Variants in PCTP observed in about 807,000 individuals in gnomAD.
The protein encoded by PCTP is START domain-containing protein 2.
A neutral mutation model predicts 31.0 loss-of-function variants in PCTP; 27 were observed. The ratio of observed to expected loss-of-function variants is 0.87; its 90% CI spans 0.64 to 1.20. The LOEUF (loss-of-function observed/expected upper bound fraction) is 1.20, where lower values mean the gene tolerates loss of function less well. Ranked by LOEUF, PCTP falls within the 50% of genes most tolerant of loss-of-function variation. The probability of loss-of-function intolerance (pLI) is 0.00; values close to 1 mark genes in which losing one functional copy is unlikely to be tolerated. For missense variants in PCTP, 287 were observed against 268.2 expected, an observed-to-expected ratio of 1.07 and a Z score of -0.49; for synonymous variants, 108 against 101.2, an observed-to-expected ratio of 1.07 and a Z score of -0.40.
intron 2 of PCTP, among the ~76,000 whole-genome samples, chr17:55,787,244 G>A (rs1382779875): frequency 2.0e-5 from 3 of 151,206 alleles, no homozygotes; most frequent in Non-Finnish European, 4.4e-5. Context: ...ACCACAAAAT[G>A]TGAAAACTCT....
chr17:55,751,623 G>T, intron 1 of PCTP: 4 of 659,908 alleles, frequency 6.1e-6, no homozygotes, highest in South Asian at 3.2e-5. Context: ...TGGGGTGGGG[G>T]AGGGGCGGTA....
At chr17:55,771,220 T>C (rs535708461) in intron 3 of PCTP, 35 bp downstream of exon 3, 2 of 1,515,272 alleles carry the variant, frequency 1.3e-6, no homozygotes, top group East Asian at 4.5e-5. Context: ...TCCCTGGCCC[T>C]CTAAGTGTTT....
At chr17:55,781,748 CAT>C (rs1491474160), downstream of PCTP, among the ~76,000 whole-genome samples, 38 of 141,622 alleles carry the variant, frequency 2.7e-4, no homozygotes, top group Admixed American at 5.4e-4. Flanking sequence ...GCAATTAAAA[CAT>C]GTACAGGTTT....
At chr17:55,770,603 A>AATAAG (rs1416552215) in intron 2 of PCTP, 1 of 152,266 alleles carries the variant, frequency 6.6e-6, no homozygotes, top group Non-Finnish European at 1.5e-5. Context: ...TTTTCTATCC[A>AATAAG]CTAGACTCTG....
At chr17:55,762,129 A>G (rs1910370698) in intron 1 of PCTP, among the ~76,000 whole-genome samples, 1 of 152,204 alleles carries the variant, frequency 6.6e-6, no homozygotes, top group Non-Finnish European at 1.5e-5. Context: ...ATGATCGGAT[A>G]GCAGATCAGA....
chr17:55,770,465 G>T (rs1363366632), intron 2 of PCTP: 1 of 152,198 alleles, frequency 6.6e-6, no homozygotes, highest in Non-Finnish European at 1.5e-5. Flanking sequence ...ACATCTGGTG[G>T]TTATCCTGAA....
chr17:55,775,942 T>A, intron 5 of PCTP, 93 bp from the exon 6 acceptor site: 1 of 1,549,044 alleles, frequency 6.5e-7, no homozygotes, highest in East Asian at 2.3e-5. Flanking sequence ...TTGTTCGTCC[T>A]AAAGCCAACA....
At chr17:55,809,764 G>C (rs992379899) in intron 3 of PCTP, among the ~76,000 whole-genome samples, 1 of 152,046 alleles carries the variant, frequency 6.6e-6, no homozygotes, top group Non-Finnish European at 1.5e-5. Context: ...CTCATGACTC[G>C]CCCGCCTCGG....
intron 5 of PCTP, among the ~76,000 whole-genome samples, chr17:55,841,673 A>G (rs543190802): frequency 7.9e-5 from 12 of 152,340 alleles, no homozygotes; most frequent in South Asian, 2.1e-4. Context: ...GGGTGAGATC[A>G]AAATAATGAG....
At chr17:55,778,454 A>G (rs918549551), downstream of PCTP, among the ~76,000 whole-genome samples, 1 of 152,160 alleles carries the variant, frequency 6.6e-6, no homozygotes, top group Non-Finnish European at 1.5e-5. Flanking sequence ...TTGGGGTAGT[A>G]TATAGTAGGC....
chr17:55,799,894 A>G (rs1912316668), intron 3 of PCTP, among the ~76,000 whole-genome samples: 1 of 152,126 alleles, frequency 6.6e-6, no homozygotes, highest in Non-Finnish European at 1.5e-5. Flanking sequence ...AATCTTGAAT[A>G]TTGGCTTCCA....
At chr17:55,751,494 C>A in intron 1 of PCTP, 1 of 1,513,792 alleles carries the variant, frequency 6.6e-7, no homozygotes, top group Non-Finnish European at 8.8e-7. Flanking sequence ...CCCGACGGGG[C>A]ATGTAGTTAG....
intron 2 of PCTP, among the ~76,000 whole-genome samples, 157 bp downstream of exon 2, chr17:55,767,609 C>T (rs1910743849): frequency 1.3e-5 from 2 of 151,970 alleles, no homozygotes; most frequent in African/African-American, 4.8e-5. Flanking sequence ...GGACTACAGG[C>T]GCCCGCCACC....
At chr17:55,812,018 C>T (rs959507506) in intron 3 of PCTP, among the ~76,000 whole-genome samples, 4 of 152,194 alleles carry the variant, frequency 2.6e-5, no homozygotes, top group East Asian at 1.9e-4. Flanking sequence ...TTCCTGGTAG[C>T]GCTCTGAGGT....
At chr17:55,764,834 T>C (rs1335830008) in intron 1 of PCTP, among the ~76,000 whole-genome samples, 1 of 152,168 alleles carries the variant, frequency 6.6e-6, no homozygotes, top group Non-Finnish European at 1.5e-5. Context: ...GATGCAAGAG[T>C]TCATCCAAAA....
intron 3 of PCTP, among the ~76,000 whole-genome samples, chr17:55,819,811 G>A (rs1913054958): frequency 6.6e-6 from 1 of 152,168 alleles, no homozygotes; most frequent in African/African-American, 2.4e-5. Flanking sequence ...GTACTGGCAT[G>A]AGGATTGATA....
chr17:55,755,554 G>C (rs1423112810), intron 1 of PCTP, among the ~76,000 whole-genome samples: 5 of 151,960 alleles, frequency 3.3e-5, no homozygotes, highest in Admixed American at 6.6e-5. Flanking sequence ...TCTGAATCCT[G>C]TTCTTGGACA....
At chr17:55,819,685 G>T (rs932038678) in intron 3 of PCTP, among the ~76,000 whole-genome samples, 17 of 152,166 alleles carry the variant, frequency 1.1e-4, no homozygotes, top group Admixed American at 7.2e-4. Flanking sequence ...AGCCCAGAAG[G>T]TTGAGGCTGC....
At chr17:55,752,241 A>G (rs1305276005) in intron 1 of PCTP, among the ~76,000 whole-genome samples, 1 of 152,234 alleles carries the variant, frequency 6.6e-6, no homozygotes, top group Non-Finnish European at 1.5e-5. Flanking sequence ...TTTATATTTT[A>G]AAACAGAAAA....
Sources: allele counts gnomAD v4.1 joint callset (sites outside exome capture counted in the v4.1 genomes callset), GRCh38; gene constraint gnomAD v4.1.1; transcripts MANE v1.5; gene names NCBI Gene and HGNC (gene_info 2026-07-23, HGNC 2026-07-21).